The following VWC2L variants were observed in gnomAD, a reference collection of about 807,000 sequenced individuals.
VWC2L encodes the protein von Willebrand factor C domain containing 2 like.
VWC2L carries 10 observed loss-of-function variants against 21.6 expected under a neutral mutation model. The ratio of observed to expected loss-of-function variants is 0.46; its 90% confidence interval spans 0.29 to 0.78. The LOEUF (loss-of-function observed/expected upper bound fraction) is 0.78. Ranked by LOEUF, VWC2L falls within the 30% of genes least tolerant of loss-of-function variation. The pLI, the probability that VWC2L is intolerant of heterozygous loss-of-function variation, is 0.10. For missense variants in VWC2L, 209 were observed against 277.1 expected, an observed-to-expected ratio of 0.75 and a Z score of 1.74; for synonymous variants, 96 against 94.3, an observed-to-expected ratio of 1.02 and a Z score of -0.10.
intron 3 of VWC2L, among the ~76,000 whole-genome samples, chr2:214,491,288 A>G (rs763171209): frequency 6.6e-6 from 1 of 152,210 alleles, no homozygotes; most frequent in Non-Finnish European, 1.5e-5. Flanking sequence ...GTGTAAAAGG[A>G]GACACAACAA....
intron 3 of VWC2L, among the ~76,000 whole-genome samples, chr2:214,479,888 T>C (rs1311926823): frequency 6.6e-6 from 1 of 152,226 alleles, no homozygotes; most frequent in Non-Finnish European, 1.5e-5. Flanking sequence ...TGGCCCTCTC[T>C]ATCTGTGGTT....
chr2:214,555,809 G>A (rs906692608), intron 3 of VWC2L, among the ~76,000 whole-genome samples: 2 of 152,156 alleles, frequency 1.3e-5, no homozygotes, highest in Non-Finnish European at 2.9e-5. Context: ...ATTAGTGTAT[G>A]AAGCTGTTTT....
At chr2:214,474,942 A>G (rs1041134620) in intron 3 of VWC2L, among the ~76,000 whole-genome samples, 5 of 152,138 alleles carry the variant, frequency 3.3e-5, no homozygotes, top group Non-Finnish European at 7.3e-5. Flanking sequence ...ACCAACCTGG[A>G]CAGGAATCTT....
intron 3 of VWC2L, among the ~76,000 whole-genome samples, chr2:214,470,518 G>C (rs1381635880): frequency 6.6e-6 from 1 of 152,072 alleles, no homozygotes. Flanking sequence ...GATTTTGCAA[G>C]TACTTGAACA....
At chr2:214,483,911 TC>T (rs1688641220) in intron 3 of VWC2L, among the ~76,000 whole-genome samples, 2 of 152,134 alleles carry the variant, frequency 1.3e-5, no homozygotes, top group South Asian at 4.1e-4. Context: ...ACATTTATTC[TC>T]TAACGGTTTT....
At chr2:214,531,587 T>C (rs1264795184) in intron 3 of VWC2L, among the ~76,000 whole-genome samples, 2 of 152,128 alleles carry the variant, frequency 1.3e-5, no homozygotes, top group Non-Finnish European at 2.9e-5. Flanking sequence ...AGTCGGCAGA[T>C]GTCAAGCAAG....
At chr2:214,466,740 A>G (rs1355021929) in intron 3 of VWC2L, among the ~76,000 whole-genome samples, 1 of 152,094 alleles carries the variant, frequency 6.6e-6, no homozygotes, top group African/African-American at 2.4e-5. Context: ...GTGTAGTCAC[A>G]CTTTGTAGTT....
At chr2:214,534,688 A>C (rs796631650) in intron 3 of VWC2L, among the ~76,000 whole-genome samples, 21 of 152,218 alleles carry the variant, frequency 1.4e-4, no homozygotes, top group African/African-American at 5.1e-4. Context: ...TCCATCTAGG[A>C]AACATTAAGT....
intron 3 of VWC2L, among the ~76,000 whole-genome samples, chr2:214,539,318 T>C (rs1302697590): frequency 1.3e-5 from 2 of 152,164 alleles, no homozygotes; most frequent in African/African-American, 4.8e-5. Context: ...ATAAAATTAC[T>C]TTGATAACAC....
At chr2:214,466,241 T>C (rs540967438) in intron 3 of VWC2L, among the ~76,000 whole-genome samples, 1 of 152,324 alleles carries the variant, frequency 6.6e-6, no homozygotes, top group Admixed American at 6.5e-5. Flanking sequence ...TTTTGAAAGA[T>C]ACTTTCACTA....
chr2:214,445,194 A>G (rs1702820799), intron 3 of VWC2L, among the ~76,000 whole-genome samples: 2 of 151,954 alleles, frequency 1.3e-5, no homozygotes, highest in Admixed American at 1.3e-4. Flanking sequence ...TCTGAAGGGT[A>G]GTAAAAATGT....
intron 3 of VWC2L, among the ~76,000 whole-genome samples, chr2:214,499,579 C>A (rs912838993): frequency 5.9e-5 from 9 of 151,866 alleles, no homozygotes; most frequent in Admixed American, 2.6e-4. Context: ...GTGCAGCACA[C>A]CAACAAGGCA....
intron 3 of VWC2L, among the ~76,000 whole-genome samples, chr2:214,517,948 C>T (rs4672709): frequency 0.44 from 67,532 of 152,050 alleles, 15,473 homozygotes; most frequent in East Asian, 0.73. Context: ...AGGCAGATCA[C>T]GAGGTCAGGA....
At chr2:214,437,590 G>C (rs749454766) in intron 3 of VWC2L, among the ~76,000 whole-genome samples, 1 of 152,152 alleles carries the variant, frequency 6.6e-6, no homozygotes, top group Admixed American at 6.6e-5. Flanking sequence ...GCTGGAAAAA[G>C]TGGTTCTAGC....
At chr2:214,560,423 C>G (rs560141321) in intron 3 of VWC2L, among the ~76,000 whole-genome samples, 1 of 152,092 alleles carries the variant, frequency 6.6e-6, no homozygotes, top group African/African-American at 2.4e-5. Flanking sequence ...CAAGTGTACT[C>G]CATGTCCCAT....
At chr2:214,561,801 T>C (rs966011892) in intron 3 of VWC2L, among the ~76,000 whole-genome samples, 5 of 68,128 alleles carry the variant, frequency 7.3e-5, no homozygotes, top group South Asian at 1.0e-3. Flanking sequence ...TATATATATA[T>C]ATATATATAC....
At chr2:214,508,917 T>G (rs1228196231) in intron 3 of VWC2L, among the ~76,000 whole-genome samples, 1 of 152,144 alleles carries the variant, frequency 6.6e-6, no homozygotes, top group Non-Finnish European at 1.5e-5. Context: ...CTTTTTTTCC[T>G]TTCCTTCTCC....
chr2:214,477,221 G>A (rs1002523876), intron 3 of VWC2L, among the ~76,000 whole-genome samples: 6 of 152,158 alleles, frequency 3.9e-5, no homozygotes, highest in African/African-American at 1.4e-4. Context: ...TCCCTGATAG[G>A]GCTGTGAGCT....
intron 3 of VWC2L, among the ~76,000 whole-genome samples, chr2:214,467,940 G>T: frequency 6.6e-6 from 1 of 152,100 alleles, no homozygotes; most frequent in East Asian, 1.9e-4. Flanking sequence ...GAGCCCAGGA[G>T]TTAGAGACCA....
Sources: allele counts gnomAD v4.1 joint callset (sites outside exome capture counted in the v4.1 genomes callset), GRCh38; gene constraint gnomAD v4.1.1; transcripts MANE v1.5; gene names NCBI Gene and HGNC (gene_info 2026-07-23, HGNC 2026-07-21).